Variants in B3GALT1 observed in about 807,000 individuals in gnomAD.
B3GALT1 encodes beta-1,3-galactosyltransferase 1.
B3GALT1 carries 10 observed loss-of-function variants against 23.2 expected under a neutral mutation model. That is an observed-to-expected ratio of 0.43 (90% CI 0.27 to 0.73). The LOEUF is 0.73. Among genes scored for constraint, B3GALT1 ranks in the 30% least tolerant of loss-of-function variants. The pLI, the probability that B3GALT1 is intolerant of heterozygous loss-of-function variation, is 0.21. For synonymous variants in B3GALT1, 156 were observed against 141.5 expected, an observed-to-expected ratio of 1.10 and a Z score of -0.73; for missense variants, 299 against 405.4, an observed-to-expected ratio of 0.74 and a Z score of 2.25.
intron 3 of B3GALT1, among the ~76,000 whole-genome samples, chr2:167,785,870 C>T (rs145167095): frequency 2.6e-5 from 4 of 152,270 alleles, no homozygotes; most frequent in African/African-American, 7.2e-5. Flanking sequence ...AGTCAAAGCC[C>T]TCTGTTGGAG....
intron 3 of B3GALT1, among the ~76,000 whole-genome samples, chr2:167,793,758 A>G (rs1346818160): frequency 6.6e-6 from 1 of 152,210 alleles, no homozygotes; most frequent in Non-Finnish European, 1.5e-5. Flanking sequence ...GCTTGCGTGG[A>G]TGGCATCTAG....
In B3GALT1 at chr2:167,492,940, G is replaced by A. The variant is rs187394447; in HGVS notation, c.-410+2663G>A. On this transcript the variant is annotated intron_variant, in intron 2 of 4. Transcript: ENST00000392690. ...CTGTTATAGAAAGAGGTCATAATAG[G>A]CAAAGACTCTTTTAATAATACACCA... Among the ~76,000 whole-genome samples the A allele has an allele frequency of 6.6e-5, 10 of 151,722 alleles. No homozygotes were observed. The East Asian group carries it at 1.5e-3, about 24-fold the overall frequency.
At chr2:167,539,847 T>C (rs1330066557) in intron 2 of B3GALT1, among the ~76,000 whole-genome samples, 1 of 152,138 alleles carries the variant, frequency 6.6e-6, no homozygotes, top group Non-Finnish European at 1.5e-5. Context: ...TTAATTTAAA[T>C]GGCTTTCTTG....
chr2:167,597,362 G>A (rs772641916), intron 2 of B3GALT1, among the ~76,000 whole-genome samples: 1 of 152,078 alleles, frequency 6.6e-6, no homozygotes, highest in Non-Finnish European at 1.5e-5. Flanking sequence ...TGATCTGCCC[G>A]CCTTGGCCTC....
chr2:167,805,519 G>A (rs1321214333), intron 3 of B3GALT1, among the ~76,000 whole-genome samples: 2 of 152,170 alleles, frequency 1.3e-5, no homozygotes, highest in Non-Finnish European at 2.9e-5. Flanking sequence ...GTGTAAGGAA[G>A]AGATCCAGTT....
chr2:167,698,895 A>G (rs1245706568), intron 3 of B3GALT1, among the ~76,000 whole-genome samples: 1 of 152,172 alleles, frequency 6.6e-6, no homozygotes, highest in East Asian at 1.9e-4. Context: ...ATTTTTCTCT[A>G]CTTATCATTG....
chr2:167,648,950 T>C (rs2105462157), intron 3 of B3GALT1, among the ~76,000 whole-genome samples: 1 of 152,254 alleles, frequency 6.6e-6, no homozygotes, highest in African/African-American at 2.4e-5. Context: ...TTGCATTGGC[T>C]TCTGCCTGCC....
chr2:167,780,243 A>C (rs1319036101), intron 3 of B3GALT1, among the ~76,000 whole-genome samples: 1 of 152,230 alleles, frequency 6.6e-6, no homozygotes, highest in African/African-American at 2.4e-5. Context: ...AAGGTATTGC[A>C]TTGCACACAA....
chr2:167,709,742 A>G (rs905506682), intron 3 of B3GALT1, among the ~76,000 whole-genome samples: 3 of 152,120 alleles, frequency 2.0e-5, no homozygotes, highest in Non-Finnish European at 4.4e-5. Flanking sequence ...TGGTAGGTAT[A>G]TATCTCTCAT....
intron 1 of B3GALT1, among the ~76,000 whole-genome samples, chr2:167,321,634 T>G (rs781581877): frequency 5.3e-5 from 8 of 152,068 alleles, no homozygotes; most frequent in Non-Finnish European, 1.2e-4. Context: ...ATCTCTCTAC[T>G]TGTGCTGTCA....
At chr2:167,475,600 A>G (rs1355728693) in intron 1 of B3GALT1, among the ~76,000 whole-genome samples, 1 of 152,140 alleles carries the variant, frequency 6.6e-6, no homozygotes, top group South Asian at 2.1e-4. Flanking sequence ...ACAGTGCCTG[A>G]TAAGCACTTG....
At chr2:167,627,529 AT>A (rs1685368567) in intron 2 of B3GALT1, among the ~76,000 whole-genome samples, 5 of 151,822 alleles carry the variant, frequency 3.3e-5, no homozygotes, top group Admixed American at 2.0e-4. Context: ...TGCTAGTAGT[AT>A]GCCCTTGTAT....
chr2:167,367,621 T>A (rs779416452), intron 1 of B3GALT1, among the ~76,000 whole-genome samples: 2 of 152,174 alleles, frequency 1.3e-5, no homozygotes, highest in African/African-American at 4.8e-5. Flanking sequence ...CTATTAAGAA[T>A]TGAAAAATCA....
At chr2:167,813,974 C>G (rs1433548135) in intron 3 of B3GALT1, among the ~76,000 whole-genome samples, 1 of 152,140 alleles carries the variant, frequency 6.6e-6, no homozygotes, top group African/African-American at 2.4e-5. Flanking sequence ...CTTCTCCTAC[C>G]TTCTGCACCC....
At chr2:167,294,100 G>T (rs1696308244) in intron 1 of B3GALT1, among the ~76,000 whole-genome samples, 1 of 152,192 alleles carries the variant, frequency 6.6e-6, no homozygotes, top group African/African-American at 2.4e-5. Flanking sequence ...GGCGGCGTAG[G>T]GCGCAGCGGG....
chr2:167,815,018 A>C (rs764082833), intron 3 of B3GALT1: 7 of 152,252 alleles, frequency 4.6e-5, no homozygotes, highest in Non-Finnish European at 1.0e-4. Context: ...AAGCCCATGC[A>C]AGCTGGCCTG....
At chr2:167,862,231 G>A (rs1441506595) in intron 4 of B3GALT1, among the ~76,000 whole-genome samples, 1 of 152,190 alleles carries the variant, frequency 6.6e-6, no homozygotes, top group East Asian at 1.9e-4. Flanking sequence ...GCTCTCTGCA[G>A]GCTGAAGGCC....
At chr2:167,356,936 A>G (rs1697422460) in intron 1 of B3GALT1, among the ~76,000 whole-genome samples, 1 of 152,070 alleles carries the variant, frequency 6.6e-6, no homozygotes, top group African/African-American at 2.4e-5. Context: ...TAAATGAGGA[A>G]ATTGTAAAAA....
At chr2:167,710,586 T>TA (rs977492002) in intron 3 of B3GALT1, among the ~76,000 whole-genome samples, 2 of 152,186 alleles carry the variant, frequency 1.3e-5, no homozygotes, top group Non-Finnish European at 2.9e-5. Context: ...ACCAACCTCC[T>TA]AGGGCATTAA....
Sources: allele counts gnomAD v4.1 joint callset (sites outside exome capture counted in the v4.1 genomes callset), GRCh38; gene constraint gnomAD v4.1.1; transcripts MANE v1.5; gene names NCBI Gene and HGNC (gene_info 2026-07-23, HGNC 2026-07-21).